Variants in VTI1A observed in about 807,000 individuals in gnomAD.
VTI1A encodes vesicle transport through interaction with t-SNAREs homolog 1A.
A neutral mutation model predicts 34.9 loss-of-function variants in VTI1A; 22 were observed. That is an observed-to-expected ratio of 0.63 (90% confidence interval 0.45 to 0.90). The LOEUF (loss-of-function observed/expected upper bound fraction) is 0.90. Among genes scored for constraint, VTI1A ranks in the 40% least tolerant of loss-of-function variants. The probability of loss-of-function intolerance (pLI) is 0.00; values close to 1 mark genes in which losing one functional copy is unlikely to be tolerated. For synonymous variants in VTI1A, 87 were observed against 97.3 expected (o/e 0.89, Z 0.62); for missense variants, 268 against 275.6 (o/e 0.97, Z 0.20).
intron 5 of VTI1A, among the ~76,000 whole-genome samples, chr10:112,662,639 G>A (rs1461576899): frequency 6.6e-6 from 1 of 151,950 alleles, no homozygotes; most frequent in Admixed American, 6.6e-5. Flanking sequence ...GGATCTATTG[G>A]GATACTCATA....
At chr10:112,525,266 A>G (rs1005809460) in intron 3 of VTI1A, among the ~76,000 whole-genome samples, 2 of 152,146 alleles carry the variant, frequency 1.3e-5, no homozygotes, top group African/African-American at 4.8e-5. Flanking sequence ...TTATTTATCT[A>G]CTTAGAGACT....
At chr10:112,663,594 A>G (rs1220634943) in intron 5 of VTI1A, among the ~76,000 whole-genome samples, 1 of 152,214 alleles carries the variant, frequency 6.6e-6, no homozygotes, top group Non-Finnish European at 1.5e-5. Flanking sequence ...GATATCAGAA[A>G]TTCAAAAGGC....
intron 7 of VTI1A, among the ~76,000 whole-genome samples, chr10:112,781,179 A>G (rs975784344): frequency 5.9e-5 from 9 of 151,952 alleles, no homozygotes; most frequent in African/African-American, 2.2e-4. Flanking sequence ...TCCTGAGCTC[A>G]GGCAGTCTAC....
intron 7 of VTI1A, among the ~76,000 whole-genome samples, chr10:112,755,064 G>A (rs1590154832): frequency 6.6e-6 from 1 of 152,210 alleles, no homozygotes; most frequent in African/African-American, 2.4e-5. Context: ...AAACCAGCAT[G>A]GCCAACAGGG....
At chr10:112,570,469 C>T (rs1275963571) in intron 5 of VTI1A, among the ~76,000 whole-genome samples, 3 of 152,022 alleles carry the variant, frequency 2.0e-5, no homozygotes, top group Non-Finnish European at 2.9e-5. Context: ...TTGGAATATC[C>T]TAATTTCCAG....
chr10:112,479,321 A>G (rs1848386930), intron 3 of VTI1A, among the ~76,000 whole-genome samples: 1 of 150,836 alleles, frequency 6.6e-6, no homozygotes, highest in African/African-American at 2.5e-5. Flanking sequence ...AAGGACTTAG[A>G]CACTACCTCA....
chr10:112,748,041 C>T (rs1850964506), intron 7 of VTI1A, among the ~76,000 whole-genome samples: 1 of 152,030 alleles, frequency 6.6e-6, no homozygotes, highest in South Asian at 2.1e-4. Context: ...AACCCCTCAT[C>T]TCATAGGTGG....
intron 5 of VTI1A, 134 bp from the exon 6 acceptor site, chr10:112,668,084 A>T (rs1228804643): frequency 1.6e-6 from 1 of 630,918 alleles, no homozygotes. Context: ...TTTCAAATAC[A>T]TGAATTGAAA....
chr10:112,842,968 A>G, the VTI1A span, among the ~76,000 whole-genome samples: 3 of 152,220 alleles, frequency 2.0e-5, no homozygotes, highest in African/African-American at 7.2e-5. Context: ...AGCAGCTGCC[A>G]GAGACTGGTG....
intron 5 of VTI1A, among the ~76,000 whole-genome samples, chr10:112,621,572 T>C (rs1845736973): frequency 6.6e-6 from 1 of 152,188 alleles, no homozygotes; most frequent in Admixed American, 6.5e-5. Flanking sequence ...AGCAAAAATT[T>C]GTACCTAAAT....
the VTI1A span, among the ~76,000 whole-genome samples, chr10:112,849,807 T>G: frequency 6.6e-6 from 1 of 152,198 alleles, no homozygotes; most frequent in African/African-American, 2.4e-5. Context: ...CCATATTTTG[T>G]TCAGATTTCC....
chr10:112,508,874 C>G (rs578227352), intron 3 of VTI1A, among the ~76,000 whole-genome samples: 1 of 152,176 alleles, frequency 6.6e-6, no homozygotes, highest in Admixed American at 6.6e-5. Context: ...ACTGATGGCT[C>G]AAAGCAGAGA....
In VTI1A at chr10:112,817,971, C is replaced by G. The variant is rs901021929; in HGVS notation, c.*2588C>G. ...TAAATAAAGTGGATGCTACCCCACT[C>G]CAGAATCAAAAGCAATTTAATTAAA... is the stretch of plus-strand genomic sequence containing the variant. On this transcript the variant is annotated 3_prime_UTR_variant, in exon 8 of 8. Transcript: ENST00000393077. 1 of 233,094 alleles carries G rather than the reference C, an allele frequency of 4.3e-6. No individual in the cohort carries two copies. The highest frequency in any genetic ancestry group is 2.2e-5 in the African/African-American group (1 of 45,304). 14.4% of individuals were successfully genotyped at this position (233,094 alleles called of 1,614,324 possible). A position where few individuals can be genotyped will look rare whatever the true frequency, so the allele number is the denominator to read the frequency against.
At chr10:112,745,086 TGACACATATG>T (rs1387117974) in intron 7 of VTI1A, among the ~76,000 whole-genome samples, 1 of 152,244 alleles carries the variant, frequency 6.6e-6, no homozygotes, top group East Asian at 1.9e-4. Context: ...ATTAACTGAT[TGACACATATG>T]TAATACTTTT....
intron 3 of VTI1A, among the ~76,000 whole-genome samples, chr10:112,477,225 A>G (rs969982063): frequency 7.2e-5 from 11 of 152,208 alleles, no homozygotes; most frequent in Non-Finnish European, 4.4e-5. Flanking sequence ...TAGGAGTAAA[A>G]ACAAATAACA....
At chr10:112,687,706 G>T (rs910882564) in intron 7 of VTI1A, among the ~76,000 whole-genome samples, 1 of 152,034 alleles carries the variant, frequency 6.6e-6, no homozygotes, top group African/African-American at 2.4e-5. Flanking sequence ...CAACTGCCTC[G>T]TTGATCAAGT....
intron 4 of VTI1A, 124 bp downstream of exon 4, chr10:112,527,288 A>G (rs1203274891): frequency 4.2e-6 from 3 of 707,986 alleles, no homozygotes; most frequent in Non-Finnish European, 7.0e-6. Context: ...GATACTGTTT[A>G]ATGCAAAGCT....
At chr10:112,494,763 C>T (rs1311084882) in intron 3 of VTI1A, among the ~76,000 whole-genome samples, 1 of 152,204 alleles carries the variant, frequency 6.6e-6, no homozygotes, top group Non-Finnish European at 1.5e-5. Context: ...ATACACCTGC[C>T]TCAGCCTCCC....
At chr10:112,650,750 AC>A (rs1846979060) in intron 5 of VTI1A, among the ~76,000 whole-genome samples, 1 of 152,220 alleles carries the variant, frequency 6.6e-6, no homozygotes, top group South Asian at 2.1e-4. Flanking sequence ...ACTGTCCTAT[AC>A]GTAGTCCCTC....
Sources: gnomAD v4.1 joint callset for allele counts (sites outside exome capture counted in the v4.1 genomes callset) on GRCh38, gnomAD v4.1.1 for gene constraint, MANE v1.5 for transcripts, NCBI Gene and HGNC (gene_info 2026-07-23, HGNC 2026-07-21) for gene names.